The following MTARC2 variants were observed in gnomAD, a reference collection of about 807,000 sequenced individuals.
MTARC2 encodes the protein mitochondrial amidoxime reducing component 2, also known as MOCO sulphurase C-terminal domain containing 2.
MTARC2 carries 27 observed loss-of-function variants against 35.6 expected under a neutral mutation model. The ratio of observed to expected loss-of-function variants is 0.76; its 90% CI spans 0.56 to 1.04. MTARC2 has a LOEUF of 1.04. MTARC2 is among the 50% of genes least tolerant of loss of function. MTARC2 has a pLI of 0.00. For synonymous variants in MTARC2, 158 were observed against 167.1 expected, an observed-to-expected ratio of 0.95 and a Z score of 0.42; for missense variants, 412 against 432.5, an observed-to-expected ratio of 0.95 and a Z score of 0.42.
At chr1:220,758,186 T>C (rs1671334943) in intron 2 of MTARC2, among the ~76,000 whole-genome samples, 2 of 151,778 alleles carry the variant, frequency 1.3e-5, no homozygotes, top group African/African-American at 4.8e-5. Context: ...GATTTCACCA[T>C]GTTGGCTACC....
chr1:220,757,130 G>T (rs150051407), intron 2 of MTARC2, among the ~76,000 whole-genome samples: 1 of 152,238 alleles, frequency 6.6e-6, no homozygotes, highest in African/African-American at 2.4e-5. Context: ...TCGAACTCCT[G>T]ACCTCAGGTG....
chr1:220,760,725 A>G (rs1340879838), intron 2 of MTARC2, among the ~76,000 whole-genome samples: 1 of 152,234 alleles, frequency 6.6e-6, no homozygotes, highest in African/African-American at 2.4e-5. Flanking sequence ...TTGAAAGCTT[A>G]AGAAACAAAA....
At chr1:220,750,420 G>A (rs149484005) in intron 1 of MTARC2, among the ~76,000 whole-genome samples, 85 of 152,284 alleles carry the variant, frequency 5.6e-4, no homozygotes, top group Admixed American at 2.1e-3. Flanking sequence ...CTGATCACCT[G>A]AAGAACGGTT....
chr1:220,769,184 G>A (rs1671664310), intron 4 of MTARC2, among the ~76,000 whole-genome samples: 1 of 152,234 alleles, frequency 6.6e-6, no homozygotes, highest in Admixed American at 6.5e-5. Context: ...GGGAGTGAAA[G>A]ATGGCGCAGC....
chr1:220,755,416 T>C (rs12045050), intron 2 of MTARC2, among the ~76,000 whole-genome samples: 2,069 of 152,256 alleles, frequency 0.014, 31 homozygotes, highest in East Asian at 0.06. Context: ...GGAGGCACGC[T>C]ACGCCACGCA....
At chr1:220,767,859 C>G (rs896171383) in intron 4 of MTARC2, among the ~76,000 whole-genome samples, 1 of 152,142 alleles carries the variant, frequency 6.6e-6, no homozygotes, top group African/African-American at 2.4e-5. Context: ...TGGATTGGGT[C>G]CTCCCAGTCC....
chr1:220,764,692 G>C (rs1211449962), intron 4 of MTARC2, among the ~76,000 whole-genome samples: 1 of 152,038 alleles, frequency 6.6e-6, no homozygotes, highest in Non-Finnish European at 1.5e-5. Context: ...GGGAGCCTGA[G>C]GTGGGAGGAT....
intron 4 of MTARC2, among the ~76,000 whole-genome samples, chr1:220,766,206 G>A (rs565433685): frequency 6.6e-6 from 1 of 152,052 alleles, no homozygotes; most frequent in South Asian, 2.1e-4. Flanking sequence ...CAATTTGGGG[G>A]CCCCTTTAAG....
chr1:220,777,018 T>A (rs1671936854), intron 4 of MTARC2, among the ~76,000 whole-genome samples: 1 of 152,210 alleles, frequency 6.6e-6, no homozygotes, highest in Admixed American at 6.5e-5. Flanking sequence ...TACCAGGAGG[T>A]TAGCCACCCG....
At position 220,761,799 on chromosome 1, in the gene MTARC2, C is replaced by T. The variant is rs1671444934; in HGVS notation, c.588C>T (p.Pro196=). The change falls in exon 3 of 8, where the codon CCC becomes CCT. Residue 196 remains proline (P), a synonymous_variant. Coordinates refer to ENST00000366913, the MANE Select transcript of MTARC2 (RefSeq NM_017898.5). ...MKGRTSRKLL[P]TLDQNFQVAY... ...GAAGAACATCAAGAAAACTTCTCCC[C>T]ACTCTTGATCAGAATTTCCAGGTGA... The T allele has an allele frequency of 6.2e-7, 1 of 1,610,384 alleles. No homozygotes were observed. The highest frequency in any genetic ancestry group is 8.5e-7 in the Non-Finnish European group (1 of 1,178,740).
intron 6 of MTARC2, among the ~76,000 whole-genome samples, chr1:220,781,158 A>T (rs1032499698): frequency 2.1e-4 from 32 of 152,140 alleles, no homozygotes; most frequent in African/African-American, 7.7e-4. Context: ...TTAGCTTAGA[A>T]AAGAGGTTAT....
intron 6 of MTARC2, among the ~76,000 whole-genome samples, chr1:220,781,535 G>A (rs549079861): frequency 6.6e-6 from 1 of 152,256 alleles, no homozygotes; most frequent in East Asian, 1.9e-4. Flanking sequence ...TTACACATAA[G>A]TTTTTTTCTT....
At chr1:220,769,800 T>C (rs1173548067) in intron 4 of MTARC2, among the ~76,000 whole-genome samples, 1 of 151,382 alleles carries the variant, frequency 6.6e-6, no homozygotes, top group African/African-American at 2.4e-5. Context: ...TTTTCACAAA[T>C]GTCTCTCAGA....
Position 220,771,803 on chromosome 1 carries a change from C to T in MTARC2, c.751-8215C>T, listed in dbSNP as rs915248297. Among the ~76,000 whole-genome samples the T allele has an allele frequency of 5.3e-5, 8 of 152,020 alleles. No individual in the cohort carries two copies. The East Asian group carries it at 1.4e-3, about 26-fold the overall frequency. On this transcript the variant is annotated intron_variant, in intron 4 of 7. Coordinates refer to ENST00000366913, the MANE Select transcript of MTARC2 (RefSeq NM_017898.5). Reference sequence around the variant, plus strand: ...AGTATTAGGACAAATACCTAATGCACGTGGGGCTTAAAACCTAGATGATGG... The same window carrying T: ...AGTATTAGGACAAATACCTAATGCATGTGGGGCTTAAAACCTAGATGATGG...
chr1:220,776,752 T>C (rs1056690564), intron 4 of MTARC2, among the ~76,000 whole-genome samples: 3 of 152,232 alleles, frequency 2.0e-5, no homozygotes, highest in Non-Finnish European at 4.4e-5. Flanking sequence ...CGACGCAGAA[T>C]TGCCACCGTT....
chr1:220,777,727 A>T (rs1052240638), intron 4 of MTARC2, among the ~76,000 whole-genome samples: 34 of 152,220 alleles, frequency 2.2e-4, no homozygotes, highest in Middle Eastern at 3.4e-3. Flanking sequence ...TGCCTTAAAG[A>T]TAAAGAATAC....
At chr1:220,761,579 C>A in intron 2 of MTARC2, 79 bp from the exon 3 acceptor site, 1 of 1,407,426 alleles carries the variant, frequency 7.1e-7, no homozygotes, top group Non-Finnish European at 9.6e-7. Context: ...TCCCAACAGT[C>A]CAGCTGTTCA....
intron 2 of MTARC2, among the ~76,000 whole-genome samples, chr1:220,756,040 G>A (rs1671268570): frequency 6.6e-6 from 1 of 152,216 alleles, no homozygotes; most frequent in South Asian, 2.1e-4. Flanking sequence ...GGCCTCTGAA[G>A]TGTGTGGTTG....
chr1:220,762,024 G>C (rs983264356), intron 3 of MTARC2, among the ~76,000 whole-genome samples: 1 of 152,168 alleles, frequency 6.6e-6, no homozygotes, highest in Non-Finnish European at 1.5e-5. Context: ...TCAAAAGTGG[G>C]ATCTCTAGGG....
Sources: gnomAD v4.1 joint callset for allele counts (sites outside exome capture counted in the v4.1 genomes callset) on GRCh38, gnomAD v4.1.1 for gene constraint, MANE v1.5 for transcripts, NCBI Gene and HGNC (gene_info 2026-07-23, HGNC 2026-07-21) for gene names.